SOD1: variants seen among roughly 807,000 people sequenced by gnomAD.
SOD1 encodes superoxide dismutase [Cu-Zn].
In SOD1, 8 loss-of-function variants were observed where a neutral mutation model predicts 15.9. That is an observed-to-expected ratio of 0.50 (90% CI 0.30 to 0.91). The LOEUF is 0.91. SOD1 is among the 40% of genes least tolerant of loss of function. SOD1 has a pLI of 0.07. For synonymous variants in SOD1, 86 were observed against 71.2 expected (o/e 1.21, Z -1.04); for missense variants, 137 against 194.5 (o/e 0.70, Z 1.76).
At chr21:31,662,853 A>G (rs2049559847) in intron 1 of SOD1, among the ~76,000 whole-genome samples, 1 of 152,112 alleles carries the variant, frequency 6.6e-6, no homozygotes, top group African/African-American at 2.4e-5. Context: ...TCTCTACTAA[A>G]AATGCAAAAA....
chr21:31,662,311 A>T (rs1418407808), intron 1 of SOD1, among the ~76,000 whole-genome samples: 1 of 152,246 alleles, frequency 6.6e-6, no homozygotes, highest in African/African-American at 2.4e-5. Context: ...AAAAGAATTT[A>T]AAAAGGCAGC....
intron 2 of SOD1, among the ~76,000 whole-genome samples, chr21:31,665,021 C>T (rs559274935): frequency 5.9e-5 from 9 of 152,106 alleles, no homozygotes; most frequent in African/African-American, 1.9e-4. Context: ...GTGGGTGCCT[C>T]GAGCAAAGGG....
chr21:31,664,376 C>G (rs1368296357), intron 2 of SOD1: 1 of 235,160 alleles, frequency 4.3e-6, no homozygotes, highest in Non-Finnish European at 8.9e-6. Flanking sequence ...TGTAATAATG[C>G]CAGCAGAGTA....
chr21:31,666,112 T>C (rs1035227467), intron 2 of SOD1, among the ~76,000 whole-genome samples: 5 of 151,860 alleles, frequency 3.3e-5, no homozygotes, highest in African/African-American at 1.2e-4. Flanking sequence ...GCTGGGACTA[T>C]AGGTGCGCAC....
chr21:31,659,943 C>G, intron 1 of SOD1, 102 bp downstream of exon 1: 5 of 1,225,486 alleles, frequency 4.1e-6, no homozygotes, highest in Non-Finnish European at 5.8e-6. Flanking sequence ...CTCGGGGCCG[C>G]CCTGGTCCAG....
chr21:31,663,757 G>A, intron 1 of SOD1, 33 bp from the exon 2 acceptor site: 1 of 1,513,634 alleles, frequency 6.6e-7, no homozygotes, highest in Non-Finnish European at 9.2e-7. Flanking sequence ...TCTTTGTTCA[G>A]AAACTCTCTC....
chr21:31,666,258 G>A (rs2049592271), intron 2 of SOD1, among the ~76,000 whole-genome samples, 191 bp from the exon 3 acceptor site: 2 of 152,114 alleles, frequency 1.3e-5, no homozygotes, highest in Non-Finnish European at 2.9e-5. Context: ...CCAGGTGTTA[G>A]CCACCATGCC....
At chr21:31,660,188 CT>C (rs2049536032) in intron 1 of SOD1, 1 of 153,836 alleles carries the variant, frequency 6.5e-6, no homozygotes, top group Non-Finnish European at 1.4e-5. Flanking sequence ...GTCGTGGTGC[CT>C]GGAGCGGCTG....
At position 31,659,799 on chromosome 21, in the gene SOD1, G is replaced by C; in HGVS notation, c.30G>C (p.Lys10Asn). 1.2e-6 allele frequency: 2 copies of C among 1,613,916 alleles called. No homozygotes were observed. Among genetic ancestry groups the C allele is most frequent in the Non-Finnish European group, 1.7e-6 (2 of 1,179,908 alleles). The change falls in exon 1 of 5, where the codon AAG becomes AAC. Residue 10 changes from lysine (K) to asparagine (N), a missense_variant. By Grantham distance (94) the Lys-to-Asn change is moderately conservative. Transcript: ENST00000270142. The stretch of plus-strand genomic sequence containing the variant: ...CGACGAAGGCCGTGTGCGTGCTGAA[G>C]GGCGACGGCCCAGTGCAGGGCATCA... Reference protein sequence around the residue: MATKAVCVLKGDGPVQGIIN... With the variant: MATKAVCVLNGDGPVQGIIN...
At chr21:31,666,278 A>G (rs762826313) in intron 2 of SOD1, among the ~76,000 whole-genome samples, 171 bp from the exon 3 acceptor site, 2 of 151,964 alleles carry the variant, frequency 1.3e-5, no homozygotes, top group African/African-American at 2.4e-5. Context: ...CTGGCCATAG[A>G]CTTGTTTCTG....
intron 1 of SOD1, chr21:31,660,384 G>A (rs1039585833): frequency 9.9e-5 from 15 of 152,240 alleles, no homozygotes; most frequent in African/African-American, 3.6e-4. Flanking sequence ...CAGCTCTAAG[G>A]CTAGGAATGG....
chr21:31,660,018 C>T, intron 1 of SOD1, 177 bp downstream of exon 1: 1 of 462,912 alleles, frequency 2.2e-6, no homozygotes, highest in South Asian at 4.2e-5. Context: ...TGCCCAAGTG[C>T]TGAGTCACCG....
intron 3 of SOD1, 91 bp from the exon 4 acceptor site, chr21:31,667,167 G>A: frequency 1.0e-6 from 1 of 961,872 alleles, no homozygotes; most frequent in South Asian, 1.4e-5. Context: ...GCAAATTTGT[G>A]TCTACTCAGT....
chr21:31,666,459 T>C lies in SOD1; in HGVS notation c.180T>C (p.Ser60=), dbSNP rs373888553. 167 of 1,611,166 alleles carry C rather than the reference T, an allele frequency of 1.0e-4. 1 individual carries two copies. Among genetic ancestry groups the C allele is most frequent in the South Asian group, 3.0e-4 (27 of 90,940 alleles). Residue 60 remains serine, a synonymous_variant, in exon 3 of 5, where the codon AGT becomes AGC. Coordinates refer to ENST00000270142, the MANE Select transcript of SOD1 (RefSeq NM_000454.5). ...EFGDNTAGCT[S]AGPHFNPLSR... is the part of the protein sequence containing the mutation. ...TCTTCTTATAAATAGGCTGTACCAG[T>C]GCAGGTCCTCACTTTAATCCTCTAT... is the stretch of plus-strand genomic sequence containing the variant.
chr21:31,667,946 G>A (rs2049611161), intron 4 of SOD1, among the ~76,000 whole-genome samples: 1 of 152,040 alleles, frequency 6.6e-6, no homozygotes, highest in South Asian at 2.1e-4. Context: ...GGTTTTTCTT[G>A]AGCCATAGTT....
At chr21:31,664,963 G>T (rs954986778) in intron 2 of SOD1, among the ~76,000 whole-genome samples, 1 of 152,110 alleles carries the variant, frequency 6.6e-6, no homozygotes, top group East Asian at 1.9e-4. Flanking sequence ...AAAAACTTGG[G>T]CTCTTAACTT....
At chr21:31,663,446 A>G (rs1329767563) in intron 1 of SOD1, among the ~76,000 whole-genome samples, 1 of 152,258 alleles carries the variant, frequency 6.6e-6, no homozygotes, top group Admixed American at 6.5e-5. Context: ...TATTTACTGT[A>G]ATAGTCAAAG....
intron 2 of SOD1, among the ~76,000 whole-genome samples, chr21:31,666,051 A>G (rs1428819607): frequency 2.7e-5 from 4 of 149,480 alleles, no homozygotes; most frequent in Non-Finnish European, 5.9e-5. Context: ...AGCTCACTGC[A>G]ACCTCTGCCT....
intron 1 of SOD1, 28 bp from the exon 2 acceptor site, chr21:31,663,762 T>G: frequency 6.5e-7 from 1 of 1,530,264 alleles, no homozygotes; most frequent in Non-Finnish European, 9.1e-7. Flanking sequence ...GTTCAGAAAC[T>G]CTCTCCAACT....
Sources: gnomAD v4.1 joint callset for allele counts (sites outside exome capture counted in the v4.1 genomes callset) on GRCh38, gnomAD v4.1.1 for gene constraint, MANE v1.5 for transcripts, NCBI Gene and HGNC (gene_info 2026-07-23, HGNC 2026-07-21) for gene names.